The following NBR1 variants were observed in gnomAD, a reference collection of about 807,000 sequenced individuals.
NBR1 encodes the protein NBR1 autophagy cargo receptor.
Under a neutral mutation model 115.5 loss-of-function variants are expected in NBR1, and 59 were observed. The observed-to-expected ratio is 0.51, with a 90% CI of 0.41 to 0.63. The LOEUF is 0.63. Among genes scored for constraint, NBR1 ranks in the 30% least tolerant of loss-of-function variants. The pLI is 0.00. For missense variants in NBR1, 1,043 were observed against 1,150.5 expected, an observed-to-expected ratio of 0.91 and a Z score of 1.35; for synonymous variants, 373 against 414.7, an observed-to-expected ratio of 0.90 and a Z score of 1.22.
Position 43,188,129 on chromosome 17 carries a change from G to A in NBR1, c.403-913G>A, listed in dbSNP as rs573581930. On this transcript the variant is annotated intron_variant, in intron 6 of 20. Transcript: ENST00000590996. ...ATGGTCTTGATCTCCTGACCTCGTGGTCCACCCGCCTCAGCCTCCCAAAGT... is the reference window on the plus strand; with the variant it reads ...ATGGTCTTGATCTCCTGACCTCGTGATCCACCCGCCTCAGCCTCCCAAAGT... 4.0e-5 allele frequency among the ~76,000 whole-genome samples: 6 copies of A among 149,346 alleles called. No homozygotes were observed. The South Asian group carries it at 1.3e-3, about 32-fold the overall frequency.
In NBR1 at chr17:43,209,875, TTTTTGC is replaced by T. The variant is rs1402039190; in HGVS notation, c.2728-22_2728-17del. The T allele has an allele frequency of 1.4e-6, 2 of 1,449,816 alleles. No individual in the cohort carries two copies. The highest frequency in any genetic ancestry group is 1.4e-5 in the African/African-American group (1 of 69,476). 89.8% of individuals were successfully genotyped at this position (1,449,816 alleles called of 1,614,324 possible). Reference sequence around the variant, plus strand: ...AAATTATACAGAATTTTTTTTTTTTTTTTTGCTTTGCTTGTCTCTACACAGCCAATA... The same window carrying T: ...AAATTATACAGAATTTTTTTTTTTTTTTTGCTTGTCTCTACACAGCCAATA... On this transcript the variant is annotated intron_variant, in intron 20 of 20. Transcript: ENST00000590996.
intron 1 of NBR1, among the ~76,000 whole-genome samples, chr17:43,172,858 C>T (rs2056410075): frequency 6.6e-6 from 1 of 152,164 alleles, no homozygotes; most frequent in Non-Finnish European, 1.5e-5. Flanking sequence ...TGGAGTCTTG[C>T]TCTGTCGCCC....
At position 43,197,055 on chromosome 17, in the gene NBR1, T is replaced by A. The variant is rs527245206; in HGVS notation, c.1975T>A (p.Leu659Met). 16 of 1,614,000 alleles carry A rather than the reference T, an allele frequency of 9.9e-6. No individual in the cohort carries two copies. The East Asian group carries it at 3.6e-4, about 36-fold the overall frequency. ...VCETVIRSLT[L>M]DAAPDHNPPC... ...TGAGACAGTAATCCGATCCCTTACCTTGGATGCTGCCCCAGACCACAACCC... is the reference window on the plus strand; with the variant it reads ...TGAGACAGTAATCCGATCCCTTACCATGGATGCTGCCCCAGACCACAACCC... The change falls in exon 16 of 21, where the codon TTG becomes ATG. Residue 659 changes from leucine (L) to methionine (M), a missense_variant. Leu to Met is a conservative substitution (Grantham distance 15). Coordinates refer to ENST00000590996, the MANE Select transcript of NBR1 (RefSeq NM_005899.5).
intron 20 of NBR1, 53 bp from the exon 21 acceptor site, chr17:43,209,848 T>C: frequency 2.0e-6 from 3 of 1,469,000 alleles, no homozygotes; most frequent in Non-Finnish European, 2.7e-6. Flanking sequence ...AAATAAACAT[T>C]TAAATTATAC....
chr17:43,180,628 C>G (rs1395826042), intron 4 of NBR1, among the ~76,000 whole-genome samples, 167 bp from the exon 5 acceptor site: 4 of 152,118 alleles, frequency 2.6e-5, no homozygotes, highest in Admixed American at 6.5e-5. Context: ...ATAATATGTT[C>G]CTCATGTTGT....
chr17:43,172,136 A>T (rs1004299330), intron 1 of NBR1, among the ~76,000 whole-genome samples: 2 of 152,198 alleles, frequency 1.3e-5, no homozygotes, highest in Admixed American at 1.3e-4. Flanking sequence ...CAATAATGCC[A>T]GTTATGAAAG....
intron 1 of NBR1, among the ~76,000 whole-genome samples, chr17:43,173,325 A>G (rs12940037): frequency 0.3 from 45,926 of 151,492 alleles, 7,518 homozygotes; most frequent in South Asian, 0.49. Flanking sequence ...GTCTCGCTCT[A>G]TCACCCAGGC....
chr17:43,199,426 T>C (rs2057144305), intron 16 of NBR1, among the ~76,000 whole-genome samples: 1 of 150,490 alleles, frequency 6.6e-6, no homozygotes, highest in African/African-American at 2.5e-5. Context: ...CAGGCTGGAG[T>C]GCAGCAGCGC....
intron 16 of NBR1, among the ~76,000 whole-genome samples, chr17:43,197,322 ATC>A (rs1199410092): frequency 2.6e-5 from 4 of 152,154 alleles, no homozygotes; most frequent in African/African-American, 9.7e-5. Context: ...GATCAAGTCC[ATC>A]CTGGCTAACA....
At chr17:43,170,821 G>A (rs528892006), upstream of NBR1, 4 of 152,320 alleles carry the variant, frequency 2.6e-5, no homozygotes, top group African/African-American at 9.6e-5. Flanking sequence ...GTAATGGATT[G>A]GAGTGTTGTT....
At chr17:43,176,476 T>TCAAC (rs2056520785) in intron 2 of NBR1, 1 of 152,248 alleles carries the variant, frequency 6.6e-6, no homozygotes, top group African/African-American at 2.4e-5. Context: ...GTGAATGTTT[T>TCAAC]ACTTCCTGTG....
At chr17:43,175,760 C>T in intron 1 of NBR1, 31 bp from the exon 2 acceptor site, 1 of 1,061,668 alleles carries the variant, frequency 9.4e-7, no homozygotes, top group Non-Finnish European at 1.4e-6. Flanking sequence ...ATGTGTTTTT[C>T]TCTCTCTCCC....
chr17:43,209,487 A>G (rs2057376427), intron 20 of NBR1: 1 of 1,266,922 alleles, frequency 7.9e-7, no homozygotes, highest in Non-Finnish European at 1.1e-6. Context: ...AATTTCCCAT[A>G]GCATCTTTCA....
At chr17:43,173,658 T>C (rs74659721) in intron 1 of NBR1, among the ~76,000 whole-genome samples, 5,616 of 152,242 alleles carry the variant, frequency 0.037, 344 homozygotes, top group African/African-American at 0.13. Flanking sequence ...TTGATCCTTA[T>C]GGTAACACTG....
At position 43,200,699 on chromosome 17, in the gene NBR1, G is replaced by C. The variant is rs532374797; in HGVS notation, c.2468+91G>C. ...GATCTCAAAACCTGTTTTTTCCTCA[G>C]TATGGAAAGAGACTATTTTCCATAG... On this transcript the variant is annotated intron_variant, in intron 17 of 20. Transcript: ENST00000590996. 6.1e-6 allele frequency: 7 copies of C among 1,156,370 alleles called. No individual in the cohort carries two copies. The African/African-American group carries it at 1.1e-4, about 18-fold the overall frequency. 71.6% of individuals were successfully genotyped at this position (1,156,370 alleles called of 1,614,324 possible).
chr17:43,175,030 T>G (rs939455321), intron 1 of NBR1, among the ~76,000 whole-genome samples: 1 of 150,604 alleles, frequency 6.6e-6, no homozygotes, highest in Non-Finnish European at 1.5e-5. Context: ...ACCCAGGAGG[T>G]GGAGGTTGCA....
chr17:43,188,723 T>C (rs2056876506), intron 6 of NBR1, among the ~76,000 whole-genome samples: 1 of 152,238 alleles, frequency 6.6e-6, no homozygotes, highest in Non-Finnish European at 1.5e-5. Flanking sequence ...GGGAATCCTT[T>C]CCCCATTGCC....
chr17:43,191,760 C>T (rs2056951695), intron 10 of NBR1, among the ~76,000 whole-genome samples, 179 bp downstream of exon 10: 1 of 152,216 alleles, frequency 6.6e-6, no homozygotes, highest in African/African-American at 2.4e-5. Flanking sequence ...CTTGCTCTGT[C>T]ACCCAGGCGG....
chr17:43,207,906 A>G (rs1464559443), intron 20 of NBR1, among the ~76,000 whole-genome samples: 1 of 152,198 alleles, frequency 6.6e-6, no homozygotes, highest in Non-Finnish European at 1.5e-5. Flanking sequence ...CATGCTTGAG[A>G]GTCACTTGCC....
Sources: gnomAD v4.1 joint callset for allele counts (sites outside exome capture counted in the v4.1 genomes callset) on GRCh38, gnomAD v4.1.1 for gene constraint, MANE v1.5 for transcripts, NCBI Gene and HGNC (gene_info 2026-07-23, HGNC 2026-07-21) for gene names.